The following SYNPR variants were observed in gnomAD, a reference collection of about 807,000 sequenced individuals.
SYNPR encodes synaptoporin.
A neutral mutation model predicts 32.9 loss-of-function variants in SYNPR; 23 were observed. The observed-to-expected ratio is 0.70, with a 90% CI of 0.50 to 0.99. SYNPR has a LOEUF of 0.99. Among genes scored for constraint, SYNPR ranks in the 50% least tolerant of loss-of-function variants. The pLI, the probability that SYNPR is intolerant of heterozygous loss-of-function variation, is 0.00. For synonymous variants in SYNPR, 146 were observed against 135.9 expected, an observed-to-expected ratio of 1.07 and a Z score of -0.52; for missense variants, 318 against 349.3, an observed-to-expected ratio of 0.91 and a Z score of 0.71.
intron 3 of SYNPR, among the ~76,000 whole-genome samples, chr3:63,549,129 G>T (rs999809069): frequency 1.3e-5 from 2 of 152,196 alleles, no homozygotes; most frequent in African/African-American, 4.8e-5. Flanking sequence ...CCCAGGACAA[G>T]ATTTGGAAAT....
At chr3:63,593,597 A>G (rs2106879212) in intron 4 of SYNPR, among the ~76,000 whole-genome samples, 2 of 152,300 alleles carry the variant, frequency 1.3e-5, no homozygotes, top group East Asian at 3.9e-4. Context: ...AACAGTCTAG[A>G]AAAGAAAAAG....
intron 2 of SYNPR, among the ~76,000 whole-genome samples, chr3:63,264,622 C>G (rs1442425524): frequency 6.6e-6 from 1 of 152,124 alleles, no homozygotes; most frequent in African/African-American, 2.4e-5. Flanking sequence ...TAAGTGGTAG[C>G]CTGACATTCA....
chr3:63,558,017 C>CATTAGTTCTCATAAGACTGT (rs1266231958), intron 4 of SYNPR, among the ~76,000 whole-genome samples: 1 of 152,188 alleles, frequency 6.6e-6, no homozygotes, highest in Non-Finnish European at 1.5e-5. Context: ...TGAGAGACTG[C>CATTAGTTCTCATAAGACTGT]ATTAGTTCTC....
chr3:63,516,130 T>C (rs947458861), intron 3 of SYNPR, among the ~76,000 whole-genome samples: 4 of 152,168 alleles, frequency 2.6e-5, no homozygotes, highest in African/African-American at 9.6e-5. Flanking sequence ...TGATATCATA[T>C]ATAAGCATAT....
chr3:63,326,916 C>A (rs964476845), intron 2 of SYNPR, among the ~76,000 whole-genome samples: 1 of 152,028 alleles, frequency 6.6e-6, no homozygotes, highest in East Asian at 1.9e-4. Flanking sequence ...ATTTCAATGG[C>A]CATCAGATTC....
intron 2 of SYNPR, among the ~76,000 whole-genome samples, chr3:63,356,502 G>A (rs2087579697): frequency 6.6e-6 from 1 of 152,338 alleles, no homozygotes. Context: ...TTACAGATGA[G>A]GGAATAAAAC....
intron 2 of SYNPR, among the ~76,000 whole-genome samples, chr3:63,303,392 T>C (rs1044817333): frequency 2.0e-5 from 3 of 151,952 alleles, no homozygotes; most frequent in Non-Finnish European, 4.4e-5. Context: ...ACCACTACCA[T>C]GTCTGAGCTT....
intron 2 of SYNPR, among the ~76,000 whole-genome samples, chr3:63,326,457 A>G (rs1205204545): frequency 2.0e-5 from 3 of 152,142 alleles, no homozygotes; most frequent in Non-Finnish European, 4.4e-5. Context: ...GACAATAATG[A>G]AGCCATGTCT....
chr3:63,235,365 C>T (rs904383406), intron 1 of SYNPR, among the ~76,000 whole-genome samples: 2 of 152,160 alleles, frequency 1.3e-5, no homozygotes, highest in African/African-American at 4.8e-5. Context: ...TATTTTAAAC[C>T]TTGAGCTGAA....
At position 63,572,115 on chromosome 3, in the gene SYNPR, G is replaced by C. The variant is rs1481996233; in HGVS notation, c.408+15374G>C. Among the ~76,000 whole-genome samples the C allele has an allele frequency of 6.6e-5, 10 of 152,164 alleles. No individual in the cohort carries two copies. In the East Asian group the frequency reaches 1.7e-3, roughly 26 times the overall value. On this transcript the variant is annotated intron_variant, in intron 4 of 5. Transcript: ENST00000478300. Reference sequence around the variant, plus strand: ...GTCCAAAGCAACCATACATCTGTGTGAGTGTTCTTCTTGGGTGTCCTGGGA... The same window carrying C: ...GTCCAAAGCAACCATACATCTGTGTCAGTGTTCTTCTTGGGTGTCCTGGGA...
chr3:63,592,091 A>G (rs34991340), intron 4 of SYNPR, among the ~76,000 whole-genome samples: 58,028 of 151,032 alleles, frequency 0.38, 11,446 homozygotes, highest in South Asian at 0.48. Context: ...AGAAAAGAAG[A>G]GACAATGATA....
rs554688884 is a variant in SYNPR at position 63,253,747 on chromosome 3, A to T, written n.154+1161A>T. Among the ~76,000 whole-genome samples, 8 of 152,326 alleles carry T rather than the reference A, an allele frequency of 5.3e-5. No homozygotes were observed. The South Asian group carries it at 1.7e-3, about 32-fold the overall frequency. On this transcript the variant is annotated intron_variant and non_coding_transcript_variant, in intron 2 of 4. Transcript: ENST00000478456. Reference sequence around the variant, plus strand: ...CTGTAAACTAGTTCAATCATTGTGGAAGTCAGTGTGGCGATTCCTCAGGGA... The same window carrying T: ...CTGTAAACTAGTTCAATCATTGTGGTAGTCAGTGTGGCGATTCCTCAGGGA...
intron 2 of SYNPR, among the ~76,000 whole-genome samples, chr3:63,469,134 G>A (rs1414819062): frequency 2.0e-5 from 3 of 152,042 alleles, no homozygotes; most frequent in African/African-American, 7.2e-5. Flanking sequence ...GAATCCCGAT[G>A]GGAATTTATT....
chr3:63,437,976 T>C (rs1347673081), intron 2 of SYNPR, among the ~76,000 whole-genome samples: 1 of 152,198 alleles, frequency 6.6e-6, no homozygotes, highest in Non-Finnish European at 1.5e-5. Context: ...ACAAAAGCTC[T>C]CCAGCACAAT....
At chr3:63,452,650 A>G (rs934736648) in intron 2 of SYNPR, among the ~76,000 whole-genome samples, 2 of 149,248 alleles carry the variant, frequency 1.3e-5, no homozygotes, top group African/African-American at 5.0e-5. Context: ...GCACCATGAA[A>G]GATCACTATC....
chr3:63,579,930 A>G (rs1033130340), intron 4 of SYNPR, among the ~76,000 whole-genome samples: 17 of 151,920 alleles, frequency 1.1e-4, no homozygotes, highest in African/African-American at 3.4e-4. Context: ...TGGGGGGAGG[A>G]CTGTTCATTT....
upstream of SYNPR, among the ~76,000 whole-genome samples, chr3:63,277,399 A>G (rs929234583): frequency 3.3e-5 from 5 of 152,172 alleles, no homozygotes; most frequent in Non-Finnish European, 7.3e-5. Context: ...AGAGTAAACA[A>G]CGTGAACCAC....
chr3:63,406,201 G>A (rs2088357178), intron 2 of SYNPR, among the ~76,000 whole-genome samples: 1 of 148,440 alleles, frequency 6.7e-6, no homozygotes, highest in African/African-American at 2.5e-5. Flanking sequence ...TTAGAATGCA[G>A]CTTTAAAAAA....
At chr3:63,520,854 A>C (rs1701899056) in intron 3 of SYNPR, among the ~76,000 whole-genome samples, 1 of 152,298 alleles carries the variant, frequency 6.6e-6, no homozygotes, top group Admixed American at 6.5e-5. Flanking sequence ...TTGCTGATGA[A>C]TGTAAAATTC....
Sources: gnomAD v4.1 joint callset for allele counts (sites outside exome capture counted in the v4.1 genomes callset) on GRCh38, gnomAD v4.1.1 for gene constraint, MANE v1.5 for transcripts, NCBI Gene and HGNC (gene_info 2026-07-23, HGNC 2026-07-21) for gene names.